The following TNRC6C variants were observed in gnomAD, a reference collection of about 807,000 sequenced individuals.
The protein encoded by TNRC6C is trinucleotide repeat containing adaptor 6C, also known as trinucleotide repeat-containing gene 6C protein.
A neutral mutation model predicts 153.7 loss-of-function variants in TNRC6C; 20 were observed. The observed-to-expected ratio is 0.13, with a 90% CI of 0.09 to 0.19. The LOEUF is 0.19. Ranked by LOEUF, TNRC6C falls within the 10% of genes least tolerant of loss-of-function variation. TNRC6C has a pLI of 1.00. For missense variants in TNRC6C, 1,987 were observed against 2,172.0 expected, an observed-to-expected ratio of 0.91 and a Z score of 1.69; for synonymous variants, 811 against 841.4, an observed-to-expected ratio of 0.96 and a Z score of 0.63.
chr17:78,093,221 T>C, intron 15 of TNRC6C, 97 bp downstream of exon 17: 1 of 1,321,274 alleles, frequency 7.6e-7, no homozygotes, highest in Non-Finnish European at 1.0e-6. Context: ...GAATCTGAGC[T>C]AAGGATCTGG....
chr17:77,996,288 A>G (rs1341383515), intron 1 of TNRC6C, among the ~76,000 whole-genome samples: 1 of 152,204 alleles, frequency 6.6e-6, no homozygotes, highest in Non-Finnish European at 1.5e-5. Flanking sequence ...TTGGTTACAG[A>G]CAGTGGGAAG....
At chr17:77,976,757 C>T (rs879564563) in intron 1 of TNRC6C, among the ~76,000 whole-genome samples, 20 of 151,582 alleles carry the variant, frequency 1.3e-4, no homozygotes, top group Non-Finnish European at 2.4e-4. Context: ...GGTGAAACCC[C>T]ATCTCTACTA....
chr17:78,091,562 T>G (rs750389007), exon 14 of TNRC6C: 2 of 1,598,776 alleles, frequency 1.3e-6, no homozygotes, highest in Non-Finnish European at 1.7e-6. Context: ...CATGGATAAC[T>G]TGCCCAGTGC....
At position 78,049,477 on chromosome 17, in the gene TNRC6C, A is replaced by G; in HGVS notation, c.415A>G (p.Asn139Asp). 2 of 1,614,042 alleles carry G rather than the reference A, an allele frequency of 1.2e-6. No individual in the cohort carries two copies. Among genetic ancestry groups the G allele is most frequent in the Non-Finnish European group, 1.7e-6 (2 of 1,179,890 alleles). Residue 139 changes from asparagine (N) to aspartate (D), a missense_variant, in exon 3 of 20, where the codon AAC becomes GAC. Physicochemically the swap from Asn to Asp is conservative, Grantham distance 23. This residue lies in a region of TNRC6C where 1,052 missense variants were observed against 1,017.0 expected (regional missense o/e 1.03). Coordinates refer to ENST00000301624, the Ensembl canonical transcript of TNRC6C. The surrounding 1 kb of genome is among the most constrained non-coding windows in gnomAD (Gnocchi z 4.1). ...CAGTGCCATAGGTCAAAATATGGGC[A>G]ACCAGAACGGGAACCCAACAGGCAC...
chr17:78,011,311 G>C (rs955412555), intron 1 of TNRC6C, among the ~76,000 whole-genome samples: 1 of 152,194 alleles, frequency 6.6e-6, no homozygotes, highest in African/African-American at 2.4e-5. Context: ...AGGTGTCCTT[G>C]TGACCTTTTC....
chr17:77,982,223 C>G (rs1166829267), intron 1 of TNRC6C, among the ~76,000 whole-genome samples: 1 of 152,084 alleles, frequency 6.6e-6, no homozygotes, highest in Non-Finnish European at 1.5e-5. Flanking sequence ...GTGTGAGCCA[C>G]CCGGTCTATG....
exon 20 of TNRC6C, chr17:78,106,946 C>G (rs2073708521): frequency 6.6e-6 from 1 of 150,880 alleles, no homozygotes; most frequent in Non-Finnish European, 1.5e-5. Flanking sequence ...TATAGAGGAT[C>G]ATGAACTATG....
At chr17:77,969,311 G>A (rs925172739) in intron 1 of TNRC6C, among the ~76,000 whole-genome samples, 2 of 151,674 alleles carry the variant, frequency 1.3e-5, no homozygotes, top group African/African-American at 2.4e-5. Flanking sequence ...GTGCAGTGGC[G>A]CAATCTCGGC....
chr17:77,973,834 G>C (rs2070961883), intron 1 of TNRC6C, among the ~76,000 whole-genome samples: 1 of 152,206 alleles, frequency 6.6e-6, no homozygotes, highest in Non-Finnish European at 1.5e-5. Flanking sequence ...AGAAATTAAA[G>C]AGGATCCAAA....
intron 1 of TNRC6C, among the ~76,000 whole-genome samples, chr17:77,999,052 T>A (rs1040148241): frequency 4.4e-4 from 67 of 152,290 alleles, no homozygotes; most frequent in African/African-American, 1.6e-3. Flanking sequence ...CAGGGGGGTG[T>A]TGACATCGTA....
At chr17:78,086,086 C>T (rs2073276701) in intron 11 of TNRC6C, among the ~76,000 whole-genome samples, 1 of 151,912 alleles carries the variant, frequency 6.6e-6, no homozygotes, top group Non-Finnish European at 1.5e-5. Flanking sequence ...AATCCCAGCA[C>T]TTTGGGAGGC....
intron 2 of TNRC6C, among the ~76,000 whole-genome samples, chr17:78,040,194 G>A (rs1054105106): frequency 1.1e-4 from 16 of 152,196 alleles, no homozygotes; most frequent in African/African-American, 3.6e-4. Flanking sequence ...TCTTAACTGG[G>A]AAGATGAGTA....
chr17:77,962,880 G>A (rs2144028847), intron 1 of TNRC6C, among the ~76,000 whole-genome samples: 1 of 152,296 alleles, frequency 6.6e-6, no homozygotes, highest in East Asian at 1.9e-4. Flanking sequence ...CTGGATTTTA[G>A]TTACTTTAGA....
Position 78,067,941 on chromosome 17 carries a change from A to C in TNRC6C, c.2778+18A>C. ...TTCAAAAGGTAAGTACAACACTCTT[A>C]ACGACGGTACACCCTGAAAACCAAA... On this transcript the variant is annotated intron_variant, in intron 5 of 19. Coordinates refer to ENST00000301624, the Ensembl canonical transcript of TNRC6C. 6.3e-7 allele frequency: 1 copy of C among 1,595,172 alleles called. No individual in the cohort carries two copies. The highest frequency in any genetic ancestry group is 8.5e-7 in the Non-Finnish European group (1 of 1,172,010).
intron 1 of TNRC6C, among the ~76,000 whole-genome samples, chr17:77,963,059 TGTGTG>T (rs2070873374): frequency 6.6e-6 from 1 of 152,254 alleles, no homozygotes; most frequent in South Asian, 2.1e-4. Flanking sequence ...TTTAAATAAT[TGTGTG>T]GTCACGAGGA....
In TNRC6C at chr17:77,988,508, C is replaced by G. The variant is rs565775211; in HGVS notation, c.-37-15662C>G. Among the ~76,000 whole-genome samples, 14 of 152,314 alleles carry G rather than the reference C, an allele frequency of 9.2e-5. 1 individual carries two copies. Among genetic ancestry groups the G allele is most frequent in the African/African-American group, 3.4e-4 (14 of 41,572 alleles). Reference sequence around the variant, plus strand: ...AGATTATTCCTGTACTTTAATGATTCCTCCCGTTAAAAACTCACAGCTTCC... The same window carrying G: ...AGATTATTCCTGTACTTTAATGATTGCTCCCGTTAAAAACTCACAGCTTCC... On this transcript the variant is annotated intron_variant, in intron 1 of 22. Coordinates refer to the TNRC6C transcript ENST00000636222.
intron 1 of TNRC6C, among the ~76,000 whole-genome samples, chr17:78,021,268 C>T (rs1019193857): frequency 3.3e-5 from 5 of 152,198 alleles, no homozygotes; most frequent in African/African-American, 1.2e-4. Context: ...AGTACAAAGA[C>T]TTGAAGTCCA....
rs890366650 is a variant in TNRC6C, at chr17:78,086,645, C to T, written c.3561+59C>T. 29 of 1,564,028 alleles carry T rather than the reference C, an allele frequency of 1.9e-5. 1 individual carries two copies. The highest frequency in any genetic ancestry group is 5.1e-5 in the Admixed American group (3 of 58,352). On this transcript the variant is annotated intron_variant, in intron 12 of 19. Transcript: ENST00000301624. ...CTATAATTTTCCCTGATAGAAGAGA[C>T]GCTAATTGATGAACTATTAGATGAT... is the stretch of plus-strand genomic sequence containing the variant.
At chr17:77,966,765 A>G (rs1407774801) in intron 1 of TNRC6C, among the ~76,000 whole-genome samples, 2 of 152,210 alleles carry the variant, frequency 1.3e-5, no homozygotes, top group African/African-American at 2.4e-5. Flanking sequence ...GATACTCTCA[A>G]TGAAATCAGA....
Sources: gnomAD v4.1 joint callset for allele counts (sites outside exome capture counted in the v4.1 genomes callset) on GRCh38, gnomAD v4.1.1 for gene constraint, gnomAD v4.1.1 regional missense constraint, Gnocchi (gnomAD v3.1) non-coding constraint, MANE v1.5 for transcripts, NCBI Gene and HGNC (gene_info 2026-07-23, HGNC 2026-07-21) for gene names.